The following HAPLN1 variants were observed in gnomAD, a reference collection of about 807,000 sequenced individuals.
The protein encoded by HAPLN1 is Cartilage link protein.
In HAPLN1, 13 loss-of-function variants were observed where a neutral mutation model predicts 36.5. The observed-to-expected ratio is 0.36, with a 90% CI of 0.23 to 0.57. The LOEUF (loss-of-function observed/expected upper bound fraction) is 0.57. Among genes scored for constraint, HAPLN1 ranks in the 20% least tolerant of loss-of-function variants. The pLI is 0.83. For synonymous variants in HAPLN1, 202 were observed against 169.8 expected, an observed-to-expected ratio of 1.19 and a Z score of -1.48; for missense variants, 407 against 439.7, an observed-to-expected ratio of 0.93 and a Z score of 0.66.
intron 1 of HAPLN1, among the ~76,000 whole-genome samples, chr5:83,686,262 C>A (rs1324295147): frequency 6.6e-6 from 1 of 151,716 alleles, no homozygotes; most frequent in Admixed American, 6.6e-5. Flanking sequence ...CCACTCCTGG[C>A]ATAATTAACC....
rs1749600396 is a variant in HAPLN1, at chr5:83,638,923, G to A, written c.*2573C>T. 6.6e-6 allele frequency: 1 copy of A among 151,884 alleles called. No individual in the cohort carries two copies. The highest frequency in any genetic ancestry group is 1.5e-5 in the Non-Finnish European group (1 of 67,892). The allele number at this position is 151,884 out of a possible 1,614,324, so 9.4% of individuals were successfully genotyped here. A position where few individuals can be genotyped will look rare whatever the true frequency, so the allele number is the denominator to read the frequency against. On this transcript the variant is annotated 3_prime_UTR_variant, in exon 5 of 5. Coordinates refer to ENST00000274341, the MANE Select transcript of HAPLN1 (RefSeq NM_001884.4). The stretch of plus-strand genomic sequence containing the variant: ...TGCAGATATACTTTGTTCCTTATAT[G>A]GTCACCAGTGTTAATTATGGACAAA...
Position 83,652,837 on chromosome 5 carries a change from A to C in HAPLN1, c.101-13T>G. On this transcript the variant is annotated splice_polypyrimidine_tract_variant and intron_variant, in intron 2 of 4. Transcript: ENST00000274341. ...GGGCCATTTTCTGCTATAATTAAAA[A>C]GGAAAAAAAAAAGAAAATAACTATT... The C allele has an allele frequency of 1.3e-6, 2 of 1,552,288 alleles. No homozygotes were observed. The highest frequency in any genetic ancestry group is 1.7e-6 in the Non-Finnish European group (2 of 1,152,500).
chr5:83,716,863 CT>C (rs993448508), intron 1 of HAPLN1, among the ~76,000 whole-genome samples: 7 of 152,064 alleles, frequency 4.6e-5, no homozygotes, highest in African/African-American at 1.4e-4. Context: ...GAAACCCTGT[CT>C]CTACTAAAAA....
chr5:83,700,193 CAAAAAAAAAA>C (rs58457969), intron 1 of HAPLN1, among the ~76,000 whole-genome samples: 3 of 99,260 alleles, frequency 3.0e-5, no homozygotes, highest in African/African-American at 4.2e-5. Context: ...GACTCCATCT[CAAAAAAAAAA>C]AAAAAAAAAA....
intron 1 of HAPLN1, among the ~76,000 whole-genome samples, chr5:83,693,923 G>A (rs1378363487): frequency 6.6e-6 from 1 of 151,608 alleles, no homozygotes; most frequent in African/African-American, 2.4e-5. Flanking sequence ...ATATATAGAA[G>A]ACTTGAATAC....
chr5:83,679,786 G>A (rs6898907), intron 1 of HAPLN1, among the ~76,000 whole-genome samples: 1,684 of 152,276 alleles, frequency 0.011, 36 homozygotes, highest in African/African-American at 0.038. Flanking sequence ...CTTTTTAGCT[G>A]TGTGACCCAT....
intron 2 of HAPLN1, among the ~76,000 whole-genome samples, chr5:83,659,732 T>C (rs1223790291): frequency 1.3e-5 from 2 of 152,190 alleles, no homozygotes; most frequent in Non-Finnish European, 1.5e-5. Context: ...GTATACCTAT[T>C]GCTGTGTTAC....
At chr5:83,659,103 G>A (rs889692766) in intron 2 of HAPLN1, among the ~76,000 whole-genome samples, 15 of 151,976 alleles carry the variant, frequency 9.9e-5, no homozygotes, top group East Asian at 1.9e-4. Flanking sequence ...GTGAAACCCC[G>A]TCTCTACTAA....
intron 1 of HAPLN1, among the ~76,000 whole-genome samples, chr5:83,677,748 A>G (rs1316030047): frequency 6.6e-6 from 1 of 152,240 alleles, no homozygotes; most frequent in Non-Finnish European, 1.5e-5. Context: ...ACAAGTATAC[A>G]AATCACAAAC....
chr5:83,643,468 T>A (rs373250207), intron 4 of HAPLN1, among the ~76,000 whole-genome samples: 77 of 152,014 alleles, frequency 5.1e-4, no homozygotes, highest in African/African-American at 1.9e-3. Flanking sequence ...AGGGCTTGCT[T>A]CATGGGTGTG....
At chr5:83,690,222 A>C (rs1751240139) in intron 1 of HAPLN1, among the ~76,000 whole-genome samples, 1 of 152,070 alleles carries the variant, frequency 6.6e-6, no homozygotes, top group South Asian at 2.1e-4. Context: ...TCCCCCCATC[A>C]AACAACCAAA....
At chr5:83,669,134 TA>T (rs1200155643) in intron 2 of HAPLN1, among the ~76,000 whole-genome samples, 1 of 152,136 alleles carries the variant, frequency 6.6e-6, no homozygotes, top group East Asian at 1.9e-4. Flanking sequence ...GTAAATACAT[TA>T]AGGGAAAATA....
intron 1 of HAPLN1, among the ~76,000 whole-genome samples, chr5:83,712,182 T>G (rs2112639459): frequency 6.6e-6 from 1 of 152,268 alleles, no homozygotes; most frequent in South Asian, 2.1e-4. Context: ...CCTCAAAGTG[T>G]CACAAGGTGG....
At chr5:83,687,293 G>A (rs1751153329) in intron 1 of HAPLN1, among the ~76,000 whole-genome samples, 1 of 152,174 alleles carries the variant, frequency 6.6e-6, no homozygotes, top group African/African-American at 2.4e-5. Context: ...GAATACAGTA[G>A]TCTTCAGTTA....
rs552616767 is a variant in HAPLN1 at position 83,710,636 on chromosome 5, T to C, written c.-27+10153A>G. Among the ~76,000 whole-genome samples the C allele has an allele frequency of 8.5e-5, 13 of 152,214 alleles. 1 individual carries two copies. The South Asian group carries it at 2.5e-3, about 29-fold the overall frequency. ...GTTTATGTTTTTAAGATAAAGAAGA[T>C]TTGACTGTGATGAAATGCCAATAAG... On this transcript the variant is annotated intron_variant, in intron 1 of 4. Transcript: ENST00000274341.
rs185310734 is a variant in HAPLN1 at position 83,694,398 on chromosome 5, A to G, written c.-26-20849T>C. 4.5e-4 allele frequency among the ~76,000 whole-genome samples: 68 copies of G among 152,142 alleles called. 1 individual carries two copies. The highest frequency in any genetic ancestry group is 4.4e-3 in the Admixed American group (68 of 15,284). ...TAAGAAACTAGAAAAAGAAGAGAAT[A>G]TGAAACCCAATGTAAGCAGAACAAA... On this transcript the variant is annotated intron_variant, in intron 1 of 4. Transcript: ENST00000274341.
At chr5:83,678,220 G>GTGTGTGTGTGTGTGTGTGTGT (rs1554049527) in intron 1 of HAPLN1, among the ~76,000 whole-genome samples, 4 of 142,534 alleles carry the variant, frequency 2.8e-5, no homozygotes, top group Non-Finnish European at 3.1e-5. Context: ...CTATAGTTTG[G>GTGTGTGTGTGTGTGTGTGTGT]GTGTGTGTGT....
chr5:83,703,755 A>G (rs1474546855), intron 1 of HAPLN1, among the ~76,000 whole-genome samples: 2 of 152,148 alleles, frequency 1.3e-5, no homozygotes, highest in East Asian at 3.9e-4. Flanking sequence ...GAGAAAGCCA[A>G]CAACTTGGAA....
chr5:83,694,986 A>G (rs1252325014), intron 1 of HAPLN1, among the ~76,000 whole-genome samples: 3 of 152,212 alleles, frequency 2.0e-5, no homozygotes, highest in Non-Finnish European at 4.4e-5. Flanking sequence ...CAAATCAATT[A>G]CCCTTCACAA....
Sources: gnomAD v4.1 joint callset for allele counts (sites outside exome capture counted in the v4.1 genomes callset) on GRCh38, gnomAD v4.1.1 for gene constraint, MANE v1.5 for transcripts, NCBI Gene and HGNC (gene_info 2026-07-23, HGNC 2026-07-21) for gene names.